Variants in DMD observed in about 807,000 individuals in gnomAD.
DMD encodes mutant dystrophin.
A neutral mutation model predicts 330.1 loss-of-function variants in DMD; 63 were observed. The ratio of observed to expected loss-of-function variants is 0.19; its 90% CI spans 0.16 to 0.24. The LOEUF (loss-of-function observed/expected upper bound fraction) is 0.24. Ranked by LOEUF, DMD falls within the 10% of genes least tolerant of loss-of-function variation. The pLI, the probability that DMD is intolerant of heterozygous loss-of-function variation, is 1.00. For synonymous variants in DMD, 1,223 were observed against 959.8 expected (o/e 1.27, Z -5.07); for missense variants, 3,344 against 2,684.1 (o/e 1.25, Z -5.43).
At chrX:31,187,717 C>CAGAGAGAGAGAG (rs55674554) in intron 67 of DMD, among the ~76,000 whole-genome samples, 4 of 66,869 alleles carry the variant, frequency 6.0e-5, no homozygotes, top group East Asian at 5.1e-4. Flanking sequence ...CCCAGATTCT[C>CAGAGAGAGAGAG]AGAGAGAGAG....
rs201278188 is a variant in DMD, at chrX:32,863,534, T to TTA, written c.94-13716_94-13715dup. Among the ~76,000 whole-genome samples the TTA allele has an allele frequency of 2.3e-3, 53 of 23,047 alleles. No individual in the cohort carries two copies. In the African/African-American group the frequency reaches 0.023, roughly 10 times the overall value. The allele number at this position is 23,047 out of a possible 115,157, so 20.0% of individuals were successfully genotyped here. ...CAAAAAAAAAAAAAAAAGATTGTGT[T>TTA]TATACACACACACACACACACACAC... On this transcript the variant is annotated intron_variant, in intron 2 of 78. Coordinates refer to ENST00000357033, the MANE Select transcript of DMD (RefSeq NM_004006.3).
intron 1 of DMD, among the ~76,000 whole-genome samples, chrX:33,076,504 T>C (rs1420572884): frequency 5.4e-5 from 6 of 111,386 alleles, no homozygotes; most frequent in Non-Finnish European, 1.1e-4. Flanking sequence ...ATCGAGTGTC[T>C]GGTGTGCCTG....
At chrX:31,323,795 G>T in intron 61 of DMD, 137 bp from the exon 62 acceptor site, 1 of 568,018 alleles carries the variant, frequency 1.8e-6, no homozygotes. Flanking sequence ...AGACAGGATG[G>T]ATTAACCTGC....
chrX:31,721,684 CACTCTCTCTCTCTCTCTCTCTCTCTCTCT>C (rs2085512959), intron 52 of DMD, among the ~76,000 whole-genome samples: 8 of 68,521 alleles, frequency 1.2e-4, no homozygotes, highest in African/African-American at 3.5e-4. Flanking sequence ...CTCTCTCTCT[CACTCTCTCTCTCTCTCTCTCTCTCTCTCT>C]CTCTCTATAT....
chrX:31,912,572 G>C (rs945782399), intron 47 of DMD, among the ~76,000 whole-genome samples: 2 of 111,595 alleles, frequency 1.8e-5, no homozygotes, highest in African/African-American at 3.3e-5. Context: ...TGACTGTAAC[G>C]GTTCCTACTT....
In DMD at chrX:33,149,923, A is replaced by T. The variant is rs758930740; in HGVS notation, c.31+61359T>A. 2.7e-5 allele frequency among the ~76,000 whole-genome samples: 3 copies of T among 111,906 alleles called. No homozygotes were observed. The South Asian group carries it at 1.1e-3, about 42-fold the overall frequency. Reference sequence around the variant, plus strand: ...GTTTTAAGCTATTAAGTTTTATAATAAATTGTTACTCAGCAATAGATAACC... The same window carrying T: ...GTTTTAAGCTATTAAGTTTTATAATTAATTGTTACTCAGCAATAGATAACC... On this transcript the variant is annotated intron_variant, in intron 1 of 78. Transcript: ENST00000357033.
At chrX:32,228,534 C>A (rs778230977) in intron 43 of DMD, among the ~76,000 whole-genome samples, 36 of 111,689 alleles carry the variant, frequency 3.2e-4, no homozygotes, top group Non-Finnish European at 6.2e-4. Flanking sequence ...ACTTTTAATA[C>A]CAAGACCTTT....
At chrX:31,586,802 A>T (rs1335436642) in intron 55 of DMD, among the ~76,000 whole-genome samples, 2 of 112,253 alleles carry the variant, frequency 1.8e-5, no homozygotes, top group Admixed American at 1.9e-4. Flanking sequence ...GGAACAAGAC[A>T]TCAAAAACAA....
intron 50 of DMD, among the ~76,000 whole-genome samples, chrX:31,787,129 T>A (rs1437028998): frequency 1.8e-5 from 2 of 111,759 alleles, no homozygotes; most frequent in Non-Finnish European, 3.8e-5. Flanking sequence ...TACCAGCACT[T>A]TGGGAGGCTG....
chrX:33,176,679 T>C (rs1244161903), intron 1 of DMD, among the ~76,000 whole-genome samples: 1 of 110,870 alleles, frequency 9.0e-6, no homozygotes, highest in Non-Finnish European at 1.9e-5. Context: ...CTCACGCCTG[T>C]AATCCCAGCA....
At chrX:32,361,213 T>A (rs979265675) in intron 37 of DMD, among the ~76,000 whole-genome samples, 4 of 111,983 alleles carry the variant, frequency 3.6e-5, no homozygotes, top group African/African-American at 1.3e-4. Context: ...CCATTCATTG[T>A]CTTGTTATTA....
chrX:33,228,649 A>G (rs145297308), intron 1 of DMD, among the ~76,000 whole-genome samples: 4,719 of 108,933 alleles, frequency 0.043, 247 homozygotes, highest in African/African-American at 0.15. Context: ...AAGATAAAGT[A>G]TATTAGGCTA....
At chrX:31,735,504 T>C (rs2646300) in intron 51 of DMD, among the ~76,000 whole-genome samples, 24,595 of 111,193 alleles carry the variant, frequency 0.22, 2,118 homozygotes, top group East Asian at 0.51. Flanking sequence ...ATTAGTAACA[T>C]AGGTTTCTTC....
intron 44 of DMD, among the ~76,000 whole-genome samples, chrX:31,998,080 G>A (rs1206078295): frequency 9.0e-6 from 1 of 111,400 alleles, no homozygotes; most frequent in Non-Finnish European, 1.9e-5. Flanking sequence ...AGCAAACGCA[G>A]AGTTAGTGTA....
chrX:31,664,731 G>A (rs772177833), intron 53 of DMD, among the ~76,000 whole-genome samples: 6 of 93,627 alleles, frequency 6.4e-5, no homozygotes, highest in Admixed American at 1.3e-4. Flanking sequence ...CTTAATTTAC[G>A]TCCCTATCAT....
chrX:32,734,000 AATAG>A (rs1434549810), intron 7 of DMD, among the ~76,000 whole-genome samples: 1 of 107,234 alleles, frequency 9.3e-6, no homozygotes, highest in African/African-American at 3.4e-5. Flanking sequence ...GGATCAACAA[AATAG>A]ATAGACTGCT....
intron 4 of DMD, among the ~76,000 whole-genome samples, chrX:32,826,692 G>T (rs2078719826): frequency 9.0e-6 from 1 of 111,416 alleles, no homozygotes; most frequent in African/African-American, 3.3e-5. Context: ...GCAGGGGATA[G>T]AGCTTGGAGG....
chrX:32,155,537 A>G, intron 44 of DMD: 1 of 526,729 alleles, frequency 1.9e-6, no homozygotes, highest in Non-Finnish European at 2.3e-6. Context: ...AAGGCTCTAA[A>G]GAAATCCTGG....
chrX:32,865,199 A>G (rs2082385576), intron 2 of DMD, among the ~76,000 whole-genome samples: 1 of 111,626 alleles, frequency 9.0e-6, no homozygotes, highest in Non-Finnish European at 1.9e-5. Context: ...CCTAAGAAAA[A>G]TGGGAAGATA....
Sources: allele counts gnomAD v4.1 joint callset (sites outside exome capture counted in the v4.1 genomes callset), GRCh38; gene constraint gnomAD v4.1.1; transcripts MANE v1.5; gene names NCBI Gene and HGNC (gene_info 2026-07-23, HGNC 2026-07-21).